The following ABCC1 variants were observed in gnomAD, a reference collection of about 807,000 sequenced individuals.
ABCC1 encodes ATP binding cassette subfamily C member 1 (ABCC1 blood group), also known as multidrug resistance-associated protein 1.
In ABCC1, 83 loss-of-function variants were observed where a neutral mutation model predicts 172.9. That is an observed-to-expected ratio of 0.48 (90% CI 0.40 to 0.58). The LOEUF (loss-of-function observed/expected upper bound fraction) is 0.58, where lower values mean the gene tolerates loss of function less well. ABCC1 is among the 20% of genes least tolerant of loss of function. ABCC1 has a pLI of 0.00. For synonymous variants in ABCC1, 937 were observed against 825.2 expected (o/e 1.14, Z -2.32); for missense variants, 1,817 against 2,002.7 (o/e 0.91, Z 1.77).
At chr16:16,134,604 A>G in intron 28 of ABCC1, 96 bp downstream of exon 28, 5 of 1,207,130 alleles carry the variant, frequency 4.1e-6, no homozygotes, top group Non-Finnish European at 5.7e-6. Flanking sequence ...GCAAACATAC[A>G]TTTGGCCCTA....
chr16:16,124,335 G>GTGTGTGTGTGTGTGTGTGTGTGTA (rs766911904), intron 24 of ABCC1, among the ~76,000 whole-genome samples: 2,153 of 87,810 alleles, frequency 0.025, 135 homozygotes, highest in South Asian at 0.053. Flanking sequence ...GTGTGTGTGT[G>GTGTGTGTGTGTGTGTGTGTGTGTA]TGTGTGTGTG....
At chr16:16,099,905 G>A (rs572140038) in intron 19 of ABCC1, among the ~76,000 whole-genome samples, 46 of 152,250 alleles carry the variant, frequency 3.0e-4, no homozygotes, top group African/African-American at 1.0e-3. Context: ...CCAACATGGT[G>A]AAACCCCGTC....
chr16:16,104,260 A>G (rs1487058365), intron 20 of ABCC1, among the ~76,000 whole-genome samples: 1 of 152,128 alleles, frequency 6.6e-6, no homozygotes, highest in Non-Finnish European at 1.5e-5. Flanking sequence ...GCCAGCTTTT[A>G]TTCTCTTATC....
At chr16:16,027,511 A>C (rs1290174166) in intron 5 of ABCC1, among the ~76,000 whole-genome samples, 2 of 152,082 alleles carry the variant, frequency 1.3e-5, no homozygotes, top group Non-Finnish European at 2.9e-5. Flanking sequence ...ATGTATATTG[A>C]CAAATAAAAA....
At chr16:16,025,448 G>C (rs71378218) in intron 5 of ABCC1, among the ~76,000 whole-genome samples, 4,731 of 152,332 alleles carry the variant, frequency 0.031, 100 homozygotes, top group Middle Eastern at 0.061. Context: ...AGGTGCCACC[G>C]ATGCTGGTGA....
At chr16:16,013,648 A>T (rs2047882800) in intron 3 of ABCC1, among the ~76,000 whole-genome samples, 1 of 152,108 alleles carries the variant, frequency 6.6e-6, no homozygotes. Flanking sequence ...TAAACAAATG[A>T]TTCCTCAAAA....
chr16:16,001,810 T>C (rs2047322020), intron 1 of ABCC1, among the ~76,000 whole-genome samples: 1 of 152,204 alleles, frequency 6.6e-6, no homozygotes, highest in African/African-American at 2.4e-5. Context: ...TATGAATTGA[T>C]GTTCCCTATT....
intron 12 of ABCC1, among the ~76,000 whole-genome samples, chr16:16,061,057 G>A (rs371069351): frequency 6.6e-5 from 10 of 151,928 alleles, no homozygotes; most frequent in African/African-American, 2.4e-4. Flanking sequence ...CCGAGTAGCT[G>A]GGAGTACAGG....
chr16:16,075,924 C>T lies in ABCC1; in HGVS notation c.1913-402C>T, dbSNP rs1272941089. ...TGGAGAGAGGTTTGCATGTGGACGC[C>T]AGCTGTTTCCCACTGACCTTGGCCA... On this transcript the variant is annotated intron_variant, in intron 14 of 30. Transcript: ENST00000399410. Among the ~76,000 whole-genome samples, 3 of 150,258 alleles carry T rather than the reference C, an allele frequency of 2.0e-5. No individual in the cohort carries two copies. The Admixed American group carries it at 2.0e-4, about 10-fold the overall frequency.
intron 5 of ABCC1, among the ~76,000 whole-genome samples, chr16:16,021,659 G>A (rs1042818005): frequency 2.6e-5 from 4 of 152,226 alleles, no homozygotes; most frequent in African/African-American, 9.6e-5. Context: ...GGAGGTTGCA[G>A]TGAGCTGAGA....
intron 1 of ABCC1, among the ~76,000 whole-genome samples, chr16:15,960,174 C>G (rs916620100): frequency 6.6e-6 from 1 of 152,102 alleles, no homozygotes; most frequent in African/African-American, 2.4e-5. Context: ...CTCGACCTCC[C>G]AGGCCAAGTG....
At chr16:16,050,401 T>C (rs1385021166) in intron 10 of ABCC1, among the ~76,000 whole-genome samples, 1 of 151,756 alleles carries the variant, frequency 6.6e-6, no homozygotes, top group African/African-American at 2.4e-5. Context: ...GGAGGTTGTA[T>C]TGAGCTGAGT....
chr16:16,138,245 T>G, intron 29 of ABCC1, 119 bp from the exon 30 acceptor site: 1 of 882,848 alleles, frequency 1.1e-6, no homozygotes, highest in Non-Finnish European at 1.7e-6. Context: ...GGAGTGGACA[T>G]GCTTTCCTGG....
intron 10 of ABCC1, 49 bp downstream of exon 10, chr16:16,048,352 G>A (rs530112384): frequency 1.1e-5 from 17 of 1,604,062 alleles, no homozygotes; most frequent in African/African-American, 4.0e-5. Context: ...GGACTTCTAC[G>A]TGTGGGCAGT....
chr16:16,009,985 T>C (rs1211533438), intron 3 of ABCC1, 84 bp downstream of exon 3: 1 of 1,212,358 alleles, frequency 8.2e-7, no homozygotes, highest in Non-Finnish European at 1.1e-6. Flanking sequence ...ACTAGAATCA[T>C]AGTTTTTTAA....
chr16:16,013,709 G>A (rs45584734), intron 3 of ABCC1, among the ~76,000 whole-genome samples: 1,814 of 152,314 alleles, frequency 0.012, 43 homozygotes, highest in African/African-American at 0.042. Context: ...GTGAAGGCAG[G>A]GGAGCTTGGT....
intron 1 of ABCC1, among the ~76,000 whole-genome samples, chr16:15,961,022 TTTA>T (rs753102647): frequency 0.18 from 5,607 of 30,612 alleles, 268 homozygotes; most frequent in African/African-American, 0.31. Context: ...TTTTTTTTTT[TTTA>T]AAATAGATGG....
At chr16:16,106,091 A>G (rs1464071240) in intron 20 of ABCC1, among the ~76,000 whole-genome samples, 2 of 151,770 alleles carry the variant, frequency 1.3e-5, no homozygotes, top group African/African-American at 4.8e-5. Flanking sequence ...TGGCCAGGCT[A>G]GTCTTGAACT....
Position 16,111,413 on chromosome 16 carries a change from C to T in ABCC1, c.2910C>T (p.Ile970=), listed in dbSNP as rs376083545. ...TGTACTGGGACTACATGAAGGCCAT[C>T]GGACTCTTCATCTCCTTCCTCAGCA... The part of the protein sequence containing the change: ...LSVYWDYMKA[I]GLFISFLSIF... Residue 970 remains isoleucine, a synonymous_variant, in exon 22 of 31, where the codon ATC becomes ATT. Coordinates refer to ENST00000399410, the MANE Select transcript of ABCC1 (RefSeq NM_004996.4). 6.7e-5 allele frequency: 108 copies of T among 1,614,002 alleles called. No homozygotes were observed. Among genetic ancestry groups the T allele is most frequent in the African/African-American group, 2.3e-4 (17 of 74,900 alleles).
Sources: allele counts gnomAD v4.1 joint callset (sites outside exome capture counted in the v4.1 genomes callset), GRCh38; gene constraint gnomAD v4.1.1; transcripts MANE v1.5; gene names NCBI Gene and HGNC (gene_info 2026-07-23, HGNC 2026-07-21).